PAX5: variants seen among roughly 807,000 people sequenced by gnomAD.
PAX5 encodes paired box protein Pax-5.
A neutral mutation model predicts 43.7 loss-of-function variants in PAX5; 9 were observed. The ratio of observed to expected loss-of-function variants is 0.21; its 90% CI spans 0.12 to 0.36. The LOEUF is 0.36. Among genes scored for constraint, PAX5 ranks in the 10% least tolerant of loss-of-function variants. The probability of loss-of-function intolerance (pLI) is 1.00; values close to 1 mark genes in which losing one functional copy is unlikely to be tolerated. For missense variants in PAX5, 383 were observed against 532.7 expected, an observed-to-expected ratio of 0.72 and a Z score of 2.77; for synonymous variants, 228 against 214.3, an observed-to-expected ratio of 1.06 and a Z score of -0.56.
At chr9:36,925,050 G>A (rs1346467658) in intron 6 of PAX5, among the ~76,000 whole-genome samples, 1 of 152,052 alleles carries the variant, frequency 6.6e-6, no homozygotes, top group Non-Finnish European at 1.5e-5. Flanking sequence ...GTAAAATGAT[G>A]AGGACTGAGC....
intron 2 of PAX5, among the ~76,000 whole-genome samples, chr9:37,017,975 C>G (rs1839533913): frequency 6.6e-6 from 1 of 152,230 alleles, no homozygotes; most frequent in Non-Finnish European, 1.5e-5. Flanking sequence ...CAGCCACCAA[C>G]ACACAATGTC....
chr9:36,895,423 G>A (rs73648166), intron 7 of PAX5, among the ~76,000 whole-genome samples: 3,168 of 152,300 alleles, frequency 0.021, 56 homozygotes, highest in East Asian at 0.08. Context: ...CTTGTTAAGA[G>A]GCTCAGCCTA....
At chr9:36,980,502 C>A (rs1286271769) in intron 5 of PAX5, among the ~76,000 whole-genome samples, 6 of 152,146 alleles carry the variant, frequency 3.9e-5, no homozygotes, top group African/African-American at 1.4e-4. Flanking sequence ...AAAATGACAA[C>A]CCACTTACCA....
intron 8 of PAX5, among the ~76,000 whole-genome samples, chr9:36,869,830 A>AAATG: frequency 7.1e-6 from 1 of 141,720 alleles, no homozygotes; most frequent in Non-Finnish European, 1.5e-5. Flanking sequence ...ATGGATGAAT[A>AAATG]GATGGATGGA....
intron 5 of PAX5, among the ~76,000 whole-genome samples, chr9:36,985,928 G>C (rs1487304824): frequency 6.6e-6 from 1 of 152,234 alleles, no homozygotes; most frequent in South Asian, 2.1e-4. Context: ...AAGAAAGAGT[G>C]GCAGTCGCAC....
chr9:36,881,992 G>A lies in PAX5; in HGVS notation c.1012+12C>T, dbSNP rs372764912. 4 of 1,601,798 alleles carry A rather than the reference G, an allele frequency of 2.5e-6. No homozygotes were observed. The highest frequency in any genetic ancestry group is 2.6e-6 in the Non-Finnish European group (3 of 1,173,178). ...GCTGCCTGCTGTGGAGACGCCGACA[G>A]TGCAAACTCACCAGGCACCATCCCT... On this transcript the variant is annotated intron_variant, in intron 8 of 9. Coordinates refer to ENST00000358127, the MANE Select transcript of PAX5 (RefSeq NM_016734.3).
chr9:36,923,546 A>G, intron 6 of PAX5, 62 bp from the exon 7 acceptor site: 1 of 1,546,982 alleles, frequency 6.5e-7, no homozygotes. Context: ...TCAAATGCCA[A>G]CTCCACGTTC....
At chr9:36,900,377 G>A (rs1026299728) in intron 7 of PAX5, among the ~76,000 whole-genome samples, 3 of 152,208 alleles carry the variant, frequency 2.0e-5, no homozygotes, top group African/African-American at 4.8e-5. Flanking sequence ...GTCCACAGGC[G>A]ACAGCATGGC....
Position 37,018,031 on chromosome 9 carries a change from G to A in PAX5, c.212+2605C>T, listed in dbSNP as rs1251175899. On this transcript the variant is annotated intron_variant, in intron 2 of 9. Coordinates refer to ENST00000358127, the MANE Select transcript of PAX5 (RefSeq NM_016734.3). ...GTTTAGTAATCAAGAGGTGTAGGTG[G>A]CTCTGATGCTAACTCTCTGTGTGAT... 2.0e-5 allele frequency among the ~76,000 whole-genome samples: 3 copies of A among 152,128 alleles called. No individual in the cohort carries two copies. In the South Asian group the frequency reaches 6.2e-4, roughly 32 times the overall value.
In PAX5 at chr9:37,015,198, G is replaced by A; in HGVS notation, c.213-4C>T. ...GATGCTTCCTGTCTCATAATACCTA[G>A]GACCCAAAGAGAAAGAAGCTTAGCC... On this transcript the variant is annotated splice_polypyrimidine_tract_variant and splice_region_variant and intron_variant, in intron 2 of 9. Transcript: ENST00000358127. The surrounding 1 kb of genome is among the most constrained non-coding windows in gnomAD (Gnocchi z 4.4). 2 of 1,613,148 alleles carry A rather than the reference G, an allele frequency of 1.2e-6. No homozygotes were observed. Among genetic ancestry groups the A allele is most frequent in the Non-Finnish European group, 1.7e-6 (2 of 1,179,256 alleles).
chr9:36,963,309 G>A (rs552528038), intron 6 of PAX5, among the ~76,000 whole-genome samples: 5 of 152,212 alleles, frequency 3.3e-5, no homozygotes, highest in Non-Finnish European at 5.9e-5. Flanking sequence ...TCCTCACAGA[G>A]TTTGTAATCA....
At chr9:36,958,300 A>AAG (rs1833667632) in intron 6 of PAX5, among the ~76,000 whole-genome samples, 1 of 1,800 alleles carries the variant, frequency 5.6e-4, no homozygotes, top group South Asian at 0.031. Flanking sequence ...AAATGTCAGG[A>AAG]AAAAAAAATG....
At chr9:36,889,826 T>G (rs1221376903) in intron 7 of PAX5, among the ~76,000 whole-genome samples, 3 of 151,484 alleles carry the variant, frequency 2.0e-5, no homozygotes, top group Admixed American at 2.0e-4. Flanking sequence ...AAGCCCTTCA[T>G]CACGAACTCC....
intron 6 of PAX5, among the ~76,000 whole-genome samples, chr9:36,941,436 C>T (rs899767507): frequency 1.3e-5 from 2 of 152,224 alleles, no homozygotes; most frequent in African/African-American, 4.8e-5. Context: ...GAGCGTCCGT[C>T]TTGAGGGGTA....
In PAX5 at chr9:36,963,819, C is replaced by A. The variant is rs571371955; in HGVS notation, c.780+2730G>T. ...CACAGAAACACTTGTGCTGCAGAGG[C>A]CAGGTGGAGTGCAGAGGCCTGGATC... is the stretch of plus-strand genomic sequence containing the variant. On this transcript the variant is annotated intron_variant, in intron 6 of 9. Coordinates refer to ENST00000358127, the MANE Select transcript of PAX5 (RefSeq NM_016734.3). Among the ~76,000 whole-genome samples, 4 of 152,260 alleles carry A rather than the reference C, an allele frequency of 2.6e-5. No individual in the cohort carries two copies. In the South Asian group the frequency reaches 8.3e-4, roughly 32 times the overall value.
At chr9:36,972,630 G>T (rs987805794) in intron 5 of PAX5, among the ~76,000 whole-genome samples, 3 of 152,218 alleles carry the variant, frequency 2.0e-5, no homozygotes, top group Non-Finnish European at 4.4e-5. Context: ...CTCCTGTGAT[G>T]AGAGGCCTGT....
At chr9:36,973,122 A>G in intron 5 of PAX5, among the ~76,000 whole-genome samples, 1 of 85,156 alleles carries the variant, frequency 1.2e-5, no homozygotes, top group African/African-American at 6.0e-5. Flanking sequence ...AAGGAAAGGA[A>G]AGGAAAGGAA....
intron 3 of PAX5, chr9:37,007,421 C>T (rs1838507891): frequency 6.6e-6 from 1 of 152,236 alleles, no homozygotes; most frequent in African/African-American, 2.4e-5. Flanking sequence ...TTCCCTTGGC[C>T]ATCTGACCGC....
At position 36,998,330 on chromosome 9, in the gene PAX5, T is replaced by C. The variant is rs889317195; in HGVS notation, c.604+4318A>G. ...AGGGCCCTTCGCCAATCCACTGGCCTAACAATATTCTAGTTAGTTTGTTTG... is the reference window on the plus strand; with the variant it reads ...AGGGCCCTTCGCCAATCCACTGGCCCAACAATATTCTAGTTAGTTTGTTTG... On this transcript the variant is annotated intron_variant, in intron 5 of 9. Coordinates refer to ENST00000358127, the MANE Select transcript of PAX5 (RefSeq NM_016734.3). Among the ~76,000 whole-genome samples, 14 of 152,226 alleles carry C rather than the reference T, an allele frequency of 9.2e-5. No individual in the cohort carries two copies. The East Asian group carries it at 2.7e-3, about 29-fold the overall frequency.
Sources: allele counts gnomAD v4.1 joint callset (sites outside exome capture counted in the v4.1 genomes callset), GRCh38; gene constraint gnomAD v4.1.1; non-coding constraint Gnocchi (gnomAD v3.1); transcripts MANE v1.5; gene names NCBI Gene and HGNC (gene_info 2026-07-23, HGNC 2026-07-21).